Variants in GMPPA observed in about 807,000 individuals in gnomAD.
GMPPA encodes GDP-mannose pyrophosphorylase A.
Under a neutral mutation model 58.6 loss-of-function variants are expected in GMPPA, and 46 were observed. The observed-to-expected ratio is 0.78, with a 90% CI of 0.62 to 1.00. The LOEUF (loss-of-function observed/expected upper bound fraction) is 1.00, where lower values mean the gene tolerates loss of function less well. GMPPA is among the 50% of genes least tolerant of loss of function. The pLI is 0.00. For synonymous variants in GMPPA, 211 were observed against 214.9 expected, an observed-to-expected ratio of 0.98 and a Z score of 0.16; for missense variants, 468 against 556.4, an observed-to-expected ratio of 0.84 and a Z score of 1.60.
rs200880817 is a variant in GMPPA, at chr2:219,506,818, C to T, written c.*20C>T. The T allele has an allele frequency of 5.7e-5, 67 of 1,167,158 alleles. No homozygotes were observed. The African/African-American group carries it at 9.5e-4, about 16-fold the overall frequency. The allele number at this position is 1,167,158 out of a possible 1,614,324, so 72.3% of individuals were successfully genotyped here. ...CTCTGAGTAGGGCTGCCAGAAGGCC[C>T]CCAGCTCCTACCCACTCCCCTTGAG... On this transcript the variant is annotated 3_prime_UTR_variant, in exon 13 of 13. Coordinates refer to ENST00000313597, the MANE Select transcript of GMPPA (RefSeq NM_013335.4).
In GMPPA at chr2:219,504,155, C is replaced by T. The variant is rs1694493827; in HGVS notation, c.562C>T (p.Pro188Ser). 6.2e-7 allele frequency: 1 copy of T among 1,613,882 alleles called. No homozygotes were observed. The highest frequency in any genetic ancestry group is 8.5e-7 in the Non-Finnish European group (1 of 1,179,894). The change falls in exon 7 of 13, where the codon CCT (proline) becomes TCT (serine). Residue 188 changes from proline (P) to serine (S), a missense_variant. Coordinates refer to ENST00000313597, the MANE Select transcript of GMPPA (RefSeq NM_013335.4). Reference protein sequence around the residue: ...IINCGIYLFSPEALKPLRDVF... With the variant: ...IINCGIYLFSSEALKPLRDVF... Reference sequence around the variant, plus strand: ...CAACTGCGGCATCTACCTCTTTTCTCCTGAAGCCTTGAAGCCTCTTCGGGA... The same window carrying T: ...CAACTGCGGCATCTACCTCTTTTCTTCTGAAGCCTTGAAGCCTCTTCGGGA...
In GMPPA at chr2:219,505,757, C is replaced by G; in HGVS notation, c.896C>G (p.Ala299Gly). The G allele has an allele frequency of 6.2e-7, 1 of 1,605,656 alleles. No homozygotes were observed. The highest frequency in any genetic ancestry group is 1.1e-5 in the South Asian group (1 of 90,694). The change falls in exon 10 of 13, where the codon GCT (alanine) becomes GGT (glycine). Residue 299 changes from alanine (A) to glycine (G), a missense_variant. Transcript: ENST00000313597. ...IHPTAKVAPS[A>G]VLGPNVSIGK... Reference sequence around the variant, plus strand: ...CCGACCGCCAAGGTGGCCCCCTCGGCTGTGGTGAGCACTGGTCCCAGCCCC... The same window carrying G: ...CCGACCGCCAAGGTGGCCCCCTCGGGTGTGGTGAGCACTGGTCCCAGCCCC...
chr2:219,502,081 C>T lies in GMPPA; in HGVS notation c.429+44C>T, dbSNP rs763544554. 8 of 1,589,786 alleles carry T rather than the reference C, an allele frequency of 5.0e-6. No individual in the cohort carries two copies. The highest frequency in any genetic ancestry group is 1.3e-5 in the African/African-American group (1 of 74,228). On this transcript the variant is annotated intron_variant, in intron 5 of 12. Transcript: ENST00000313597. This position sits in a 1 kb window ranked among gnomAD's most constrained non-coding sequence, Gnocchi z 4.0. ...CTGGAGGGTGTAGAGGAGGTGATCCCAAGAGCTTCCCGGAATTCAGGGTGT... is the reference window on the plus strand; with the variant it reads ...CTGGAGGGTGTAGAGGAGGTGATCCTAAGAGCTTCCCGGAATTCAGGGTGT...
At position 219,502,354 on chromosome 2, in the gene GMPPA, C is replaced by A; in HGVS notation, c.430-28C>A. 6.2e-7 allele frequency: 1 copy of A among 1,606,164 alleles called. No homozygotes were observed. Among genetic ancestry groups the A allele is most frequent in the South Asian group, 1.1e-5 (1 of 90,896 alleles). On this transcript the variant is annotated intron_variant, in intron 5 of 12. Transcript: ENST00000313597. The surrounding 1 kb of genome is among the most constrained non-coding windows in gnomAD (Gnocchi z 4.0). ...CGTGGCTGCCCTGGAGCAGGCGGGTCACTGTCTCGGGTGTGTCTGTCTTTC... is the reference window on the plus strand; with the variant it reads ...CGTGGCTGCCCTGGAGCAGGCGGGTAACTGTCTCGGGTGTGTCTGTCTTTC...
rs1185398305 is a variant in GMPPA, at chr2:219,505,789, G to A, written c.900+28G>A. 7 of 1,570,590 alleles carry A rather than the reference G, an allele frequency of 4.5e-6. No individual in the cohort carries two copies. The African/African-American group carries it at 5.4e-5, about 12-fold the overall frequency. ...GAGCACTGGTCCCAGCCCCAGGGAGGGAAGGGTGGTGGTCGGATGGATGGA... is the reference window on the plus strand; with the variant it reads ...GAGCACTGGTCCCAGCCCCAGGGAGAGAAGGGTGGTGGTCGGATGGATGGA... On this transcript the variant is annotated intron_variant, in intron 10 of 12. Coordinates refer to ENST00000313597, the MANE Select transcript of GMPPA (RefSeq NM_013335.4).
At position 219,505,781 on chromosome 2, in the gene GMPPA, C is replaced by T. The variant is rs575126365; in HGVS notation, c.900+20C>T. ...GCTGTGGTGAGCACTGGTCCCAGCC[C>T]CAGGGAGGGAAGGGTGGTGGTCGGA... On this transcript the variant is annotated intron_variant, in intron 10 of 12. Coordinates refer to ENST00000313597, the MANE Select transcript of GMPPA (RefSeq NM_013335.4). 25 of 1,582,670 alleles carry T rather than the reference C, an allele frequency of 1.6e-5. No homozygotes were observed. In the South Asian group the frequency reaches 2.7e-4, roughly 17 times the overall value.
At chr2:219,505,031 C>T in intron 7 of GMPPA, 197 bp from the exon 8 acceptor site, 1 of 846,776 alleles carries the variant, frequency 1.2e-6, no homozygotes, top group Non-Finnish European at 1.7e-6. Flanking sequence ...GTGATAGCAC[C>T]CACCCAAGTG....
At chr2:219,503,558 G>A (rs1163850270) in intron 6 of GMPPA, among the ~76,000 whole-genome samples, 2 of 152,192 alleles carry the variant, frequency 1.3e-5, no homozygotes, top group African/African-American at 4.8e-5. Flanking sequence ...GAGAAACAGA[G>A]CCAAATGGGT....
intron 3 of GMPPA, 130 bp downstream of exon 3, chr2:219,500,348 A>G: frequency 3.0e-6 from 2 of 673,656 alleles, no homozygotes; most frequent in Non-Finnish European, 5.4e-6. Context: ...GACAATGTGA[A>G]TGGCGCCCCC....
chr2:219,504,252 C>G, intron 7 of GMPPA, 39 bp downstream of exon 7: 1 of 1,602,044 alleles, frequency 6.2e-7, no homozygotes, highest in Non-Finnish European at 8.5e-7. Flanking sequence ...CCAAGTACCC[C>G]CAGTCACGGA....
chr2:219,502,867 AG>A lies in GMPPA; in HGVS notation c.489+428del, dbSNP rs112992807. Among the ~76,000 whole-genome samples, 156 of 152,298 alleles carry A rather than the reference AG, an allele frequency of 1.0e-3. No homozygotes were observed. Among genetic ancestry groups the A allele is most frequent in the Middle Eastern group, 3.4e-3 (1 of 294 alleles). On this transcript the variant is annotated intron_variant, in intron 6 of 12. Coordinates refer to ENST00000313597, the MANE Select transcript of GMPPA (RefSeq NM_013335.4). The surrounding 1 kb of genome is among the most constrained non-coding windows in gnomAD (Gnocchi z 4.0). Reference sequence around the variant, plus strand: ...AACATACCAGAAGCAGGAGCATGATAGGCAGGGCAGCAGGGCTCTGTCCTGT... The same window carrying A: ...AACATACCAGAAGCAGGAGCATGATAGCAGGGCAGCAGGGCTCTGTCCTGT...
chr2:219,503,199 C>T (rs1694459966), intron 6 of GMPPA, among the ~76,000 whole-genome samples: 1 of 151,028 alleles, frequency 6.6e-6, no homozygotes, highest in Non-Finnish European at 1.5e-5. Context: ...GTGGTGCGAT[C>T]TTGGCTCACT....
In GMPPA at chr2:219,500,185, T is replaced by C. The variant is rs1575219588; in HGVS notation, c.105T>C (p.Pro35=). The change falls in exon 3 of 13, where the codon CCT becomes CCC. Residue 35 remains proline (P), a synonymous_variant. Transcript: ENST00000313597. ...CATTGTTTCCTGTGGCAGGGGTCCC[T>C]ATGATCCAACACCATATTGAAGCCT... ...PKPLFPVAGV[P]MIQHHIEACA... is the part of the protein sequence containing the mutation. The C allele has an allele frequency of 6.3e-7, 1 of 1,583,734 alleles. No individual in the cohort carries two copies. Among genetic ancestry groups the C allele is most frequent in the Admixed American group, 1.8e-5 (1 of 55,612 alleles).
rs988407409 is a variant in GMPPA at position 219,506,886 on chromosome 2, G to A, written c.*88G>A. 1.4e-5 allele frequency: 10 copies of A among 726,592 alleles called. No homozygotes were observed. The highest frequency in any genetic ancestry group is 5.3e-5 in the East Asian group (2 of 37,710). The allele number at this position is 726,592 out of a possible 1,614,324, so 45.0% of individuals were successfully genotyped here. ...CAGCCTCTGTCCAGAAAGGACCAGAGAAAGCCAGGCTGGATCGTCACATGC... is the reference window on the plus strand; with the variant it reads ...CAGCCTCTGTCCAGAAAGGACCAGAAAAAGCCAGGCTGGATCGTCACATGC... On this transcript the variant is annotated 3_prime_UTR_variant, in exon 13 of 13. Transcript: ENST00000313597.
intron 3 of GMPPA, chr2:219,500,579 G>A (rs947444192): frequency 3.9e-5 from 10 of 259,668 alleles, no homozygotes; most frequent in Non-Finnish European, 6.0e-5. Context: ...ATTGCTTTTC[G>A]TATTGAGCCA....
chr2:219,505,007 C>A, intron 7 of GMPPA: 3 of 857,912 alleles, frequency 3.5e-6, no homozygotes, highest in South Asian at 2.2e-5. Context: ...CAGGCCTCTG[C>A]CTGGGGCTCC....
intron 12 of GMPPA, 127 bp downstream of exon 12, chr2:219,506,549 G>T (rs928709922): frequency 7.0e-5 from 75 of 1,077,054 alleles, no homozygotes; most frequent in Non-Finnish European, 9.8e-5. Context: ...AGGGCCTGCT[G>T]TGTGCCAGGC....
At position 219,502,271 on chromosome 2, in the gene GMPPA, G is replaced by A; in HGVS notation, c.430-111G>A. ...CAGTTTCCACCCTTGCTGAAGGCCT[G>A]TCAGTGGCAGAGCTGCATGCCAGGT... is the stretch of plus-strand genomic sequence containing the variant. On this transcript the variant is annotated intron_variant, in intron 5 of 12. Coordinates refer to ENST00000313597, the MANE Select transcript of GMPPA (RefSeq NM_013335.4). This position sits in a 1 kb window ranked among gnomAD's most constrained non-coding sequence, Gnocchi z 4.0. 9.9e-7 allele frequency: 1 copy of A among 1,013,300 alleles called. No individual in the cohort carries two copies. Among genetic ancestry groups the A allele is most frequent in the Non-Finnish European group, 1.5e-6 (1 of 650,860 alleles). 62.8% of individuals were successfully genotyped at this position (1,013,300 alleles called of 1,614,324 possible).
rs80239182 is a variant in GMPPA, at chr2:219,500,030, G to A, written c.40+15G>A. On this transcript the variant is annotated intron_variant, in intron 2 of 12. Transcript: ENST00000313597. ...CCCTCAAAAGGGTGAGGTGCCAGGG[G>A]AATGGGGGGAGGAGGTTGGGCTGGA... 1.8e-3 allele frequency: 2,862 copies of A among 1,613,362 alleles called. 47 individuals are homozygous for A. In the African/African-American group the frequency reaches 0.033, roughly 18 times the overall value.
Sources: allele counts gnomAD v4.1 joint callset (sites outside exome capture counted in the v4.1 genomes callset), GRCh38; gene constraint gnomAD v4.1.1; non-coding constraint Gnocchi (gnomAD v3.1); transcripts MANE v1.5; gene names NCBI Gene and HGNC (gene_info 2026-07-23, HGNC 2026-07-21).